ACER3: variants seen among roughly 807,000 people sequenced by gnomAD.
ACER3 encodes the protein alkaline ceramidase 3.
A neutral mutation model predicts 48.9 loss-of-function variants in ACER3; 16 were observed. That is an observed-to-expected ratio of 0.33 (90% CI 0.22 to 0.50). The LOEUF is 0.50. Among genes scored for constraint, ACER3 ranks in the 20% least tolerant of loss-of-function variants. The pLI is 0.98. For synonymous variants in ACER3, 109 were observed against 107.8 expected, an observed-to-expected ratio of 1.01 and a Z score of -0.07; for missense variants, 227 against 326.0, an observed-to-expected ratio of 0.70 and a Z score of 2.34.
Position 77,016,086 on chromosome 11 carries a change from G to A in ACER3, c.600-589G>A, listed in dbSNP as rs955468484. Among the ~76,000 whole-genome samples the A allele has an allele frequency of 1.0e-3, 138 of 136,718 alleles. 1 individual carries two copies. Among genetic ancestry groups the A allele is most frequent in the African/African-American group, 3.7e-3 (133 of 35,974 alleles). 89.7% of individuals were successfully genotyped at this position (136,718 alleles called of 152,430 possible). On this transcript the variant is annotated intron_variant, in intron 8 of 10. Coordinates refer to ENST00000532485, the MANE Select transcript of ACER3 (RefSeq NM_018367.7). ...CGTGCTACTGTACTCCAGCCTGGGC[G>A]ACAGAGCAAGACTCCGTCTCAGGGA...
At chr11:76,880,167 A>G (rs535460531) in intron 1 of ACER3, among the ~76,000 whole-genome samples, 5 of 151,980 alleles carry the variant, frequency 3.3e-5, no homozygotes, top group Admixed American at 1.3e-4. Context: ...TTCTTATTCT[A>G]TTGTTTATTT....
intron 9 of ACER3, among the ~76,000 whole-genome samples, chr11:77,017,845 AC>A (rs540288526): frequency 3.9e-4 from 60 of 151,930 alleles, no homozygotes; most frequent in African/African-American, 1.3e-3. Context: ...GCATGTGCTC[AC>A]TTCATGTTTC....
chr11:76,964,322 G>T (rs1319784192), intron 3 of ACER3, among the ~76,000 whole-genome samples: 2 of 151,410 alleles, frequency 1.3e-5, no homozygotes, highest in African/African-American at 2.5e-5. Flanking sequence ...CGGGAAGCTC[G>T]AACTGGATGA....
intron 2 of ACER3, among the ~76,000 whole-genome samples, chr11:76,942,156 T>A (rs1442398446): frequency 6.6e-6 from 1 of 152,116 alleles, no homozygotes; most frequent in Non-Finnish European, 1.5e-5. Context: ...GGATGTCTTT[T>A]ATTTTTTTCT....
chr11:76,868,099 C>G (rs893615901), intron 1 of ACER3: 59 of 1,289,260 alleles, frequency 4.6e-5, no homozygotes, highest in Non-Finnish European at 5.8e-5. Context: ...TGCTATATTT[C>G]TTTTCTTTTC....
At chr11:76,976,177 G>A (rs1390387938) in intron 3 of ACER3, 112 bp from the exon 4 acceptor site, 23 of 821,518 alleles carry the variant, frequency 2.8e-5, no homozygotes, top group Non-Finnish European at 3.9e-5. Flanking sequence ...GTGAGCCTCT[G>A]TGCCTGGTCT....
At chr11:76,934,141 A>G (rs1947103689) in intron 2 of ACER3, among the ~76,000 whole-genome samples, 1 of 151,222 alleles carries the variant, frequency 6.6e-6, no homozygotes, top group Non-Finnish European at 1.5e-5. Flanking sequence ...GCGGCCGGGC[A>G]GAGACGCTCC....
At chr11:76,929,720 C>T (rs374078817) in intron 2 of ACER3, among the ~76,000 whole-genome samples, 33 of 152,290 alleles carry the variant, frequency 2.2e-4, no homozygotes, top group South Asian at 8.3e-4. Context: ...GCATCTATTG[C>T]GATAACCATG....
intron 1 of ACER3, among the ~76,000 whole-genome samples, chr11:76,911,209 A>G (rs1477094790): frequency 6.6e-6 from 1 of 152,124 alleles, no homozygotes; most frequent in Non-Finnish European, 1.5e-5. Context: ...TTTTATGGTT[A>G]TTTATTAATT....
At chr11:76,910,353 C>T (rs1055413009) in intron 1 of ACER3, among the ~76,000 whole-genome samples, 1 of 152,152 alleles carries the variant, frequency 6.6e-6, no homozygotes, top group African/African-American at 2.4e-5. Context: ...AAAAAGACTA[C>T]ATATAATTCC....
chr11:76,921,674 TA>T (rs1157674335), intron 1 of ACER3, among the ~76,000 whole-genome samples: 26 of 152,328 alleles, frequency 1.7e-4, no homozygotes, highest in African/African-American at 5.8e-4. Context: ...CATATAAAGT[TA>T]AGAGTCAGCT....
At chr11:76,875,456 C>G (rs922873495) in intron 1 of ACER3, among the ~76,000 whole-genome samples, 1 of 152,032 alleles carries the variant, frequency 6.6e-6, no homozygotes, top group East Asian at 1.9e-4. Flanking sequence ...ATGCATACAA[C>G]AAAGTTGGAA....
At chr11:76,878,927 C>T (rs1457401326) in intron 1 of ACER3, among the ~76,000 whole-genome samples, 1 of 152,082 alleles carries the variant, frequency 6.6e-6, no homozygotes, top group Non-Finnish European at 1.5e-5. Context: ...GGATGTTGAG[C>T]ATATTTTCTT....
At chr11:76,960,344 G>T (rs1385291646) in intron 3 of ACER3, among the ~76,000 whole-genome samples, 1 of 151,950 alleles carries the variant, frequency 6.6e-6, no homozygotes. Context: ...GGGAGGCGGA[G>T]ATCGCAGTAA....
At chr11:76,944,459 T>G (rs1947425838) in intron 2 of ACER3, among the ~76,000 whole-genome samples, 1 of 151,328 alleles carries the variant, frequency 6.6e-6, no homozygotes, top group Non-Finnish European at 1.5e-5. Flanking sequence ...CCTTTATTTG[T>G]GAAACTTATT....
At chr11:76,980,601 C>T (rs866789303) in intron 4 of ACER3, among the ~76,000 whole-genome samples, 16 of 151,996 alleles carry the variant, frequency 1.1e-4, no homozygotes, top group African/African-American at 3.9e-4. Flanking sequence ...GCCTGAGCCC[C>T]AGGAGGTTGA....
chr11:76,932,284 CT>C (rs1565184458), intron 2 of ACER3, among the ~76,000 whole-genome samples: 2 of 151,986 alleles, frequency 1.3e-5, no homozygotes, highest in Non-Finnish European at 2.9e-5. Context: ...AAGTCTCTTT[CT>C]TTTGTTTTAG....
intron 7 of ACER3, among the ~76,000 whole-genome samples, chr11:77,005,994 T>TATATATATATACGTATATATATATA (rs1272209642): frequency 3.7e-5 from 3 of 82,150 alleles, no homozygotes; most frequent in Non-Finnish European, 7.6e-5. Flanking sequence ...TATATATATT[T>TATATATATATACGTATATATATATA]TTTTTTTTTT....
At chr11:76,977,205 G>A (rs1289831171) in intron 4 of ACER3, among the ~76,000 whole-genome samples, 1 of 152,184 alleles carries the variant, frequency 6.6e-6, no homozygotes, top group Non-Finnish European at 1.5e-5. Context: ...CCATTGTCCA[G>A]GTAAACAGTC....
Sources: allele counts gnomAD v4.1 joint callset (sites outside exome capture counted in the v4.1 genomes callset), GRCh38; gene constraint gnomAD v4.1.1; transcripts MANE v1.5; gene names NCBI Gene and HGNC (gene_info 2026-07-23, HGNC 2026-07-21).